ARIH1: variants seen among roughly 807,000 people sequenced by gnomAD.
ARIH1 encodes ariadne RBR E3 ubiquitin protein ligase 1.
A neutral mutation model predicts 85.0 loss-of-function variants in ARIH1; 8 were observed. The observed-to-expected ratio is 0.09, with a 90% confidence interval of 0.06 to 0.17. The LOEUF is 0.17. Ranked by LOEUF, ARIH1 falls within the 10% of genes least tolerant of loss-of-function variation. The pLI, the probability that ARIH1 is intolerant of heterozygous loss-of-function variation, is 1.00. For missense variants in ARIH1, 311 were observed against 718.1 expected, an observed-to-expected ratio of 0.43 and a Z score of 6.48; for synonymous variants, 238 against 253.6, an observed-to-expected ratio of 0.94 and a Z score of 0.59.
intron 6 of ARIH1, among the ~76,000 whole-genome samples, chr15:72,562,033 A>G (rs375614016): frequency 2.0e-5 from 3 of 152,330 alleles, no homozygotes; most frequent in Non-Finnish European, 2.9e-5. Flanking sequence ...ACATCTCTCC[A>G]TAGATCTTGA....
At chr15:72,498,430 A>G (rs1030735301) in intron 1 of ARIH1, among the ~76,000 whole-genome samples, 3 of 152,182 alleles carry the variant, frequency 2.0e-5, no homozygotes, top group African/African-American at 7.2e-5. Flanking sequence ...ATTCACTCAT[A>G]TTTGTGTCTT....
In ARIH1 at chr15:72,597,112, T is replaced by A. The variant is rs2064366304; in HGVS notation, c.*13820T>A. 6.7e-6 allele frequency: 1 copy of A among 148,850 alleles called. No individual in the cohort carries two copies. The highest frequency in any genetic ancestry group is 6.7e-5 in the Admixed American group (1 of 14,996). The allele number at this position is 148,850 out of a possible 1,614,324, so 9.2% of individuals were successfully genotyped here. A position where few individuals can be genotyped will look rare whatever the true frequency, so the allele number is the denominator to read the frequency against. On this transcript the variant is annotated 3_prime_UTR_variant, in exon 14 of 14. Transcript: ENST00000379887. ...TGATTGGATGATGGACGTTTTATGT[T>A]GAAAAAAAAAAGAAATTGAAGAAAA...
intron 1 of ARIH1, among the ~76,000 whole-genome samples, chr15:72,494,422 G>A (rs1445601711): frequency 1.3e-5 from 2 of 152,102 alleles, no homozygotes; most frequent in African/African-American, 4.8e-5. Flanking sequence ...GTTAGAGGTG[G>A]CATTCCAGAC....
rs145146693 is a variant in ARIH1 at position 72,566,751 on chromosome 15, A to T, written c.954+146A>T. On this transcript the variant is annotated intron_variant, in intron 8 of 13. Transcript: ENST00000379887. ...TTTCAGATGATCATTACATGTATTC[A>T]GAGGTAATTCCTTAGGATAAGCCAA... The T allele has an allele frequency of 8.0e-4, 580 of 727,412 alleles. 1 individual carries two copies. The East Asian group carries it at 9.9e-3, about 12-fold the overall frequency. The allele number at this position is 727,412 out of a possible 1,614,324, so 45.1% of individuals were successfully genotyped here. A position where few individuals can be genotyped will look rare whatever the true frequency, so the allele number is the denominator to read the frequency against.
At chr15:72,550,933 A>G (rs980294273) in intron 3 of ARIH1, among the ~76,000 whole-genome samples, 4 of 151,984 alleles carry the variant, frequency 2.6e-5, no homozygotes, top group Non-Finnish European at 2.9e-5. Flanking sequence ...CAGCCTCCCA[A>G]AGTGCTCGGA....
rs1424861481 is a variant in ARIH1 at position 72,589,801 on chromosome 15, G to T, written c.*6509G>T. The T allele has an allele frequency of 2.0e-5, 3 of 152,134 alleles. No homozygotes were observed. The highest frequency in any genetic ancestry group is 4.4e-5 in the Non-Finnish European group (3 of 68,012). The allele number at this position is 152,134 out of a possible 1,614,324, so 9.4% of individuals were successfully genotyped here. A position where few individuals can be genotyped will look rare whatever the true frequency, so the allele number is the denominator to read the frequency against. The stretch of plus-strand genomic sequence containing the variant: ...CGTGGCTACTTAGTATTTACCAAAT[G>T]CTTTGTTTCCATCTCGTTTATTTTT... On this transcript the variant is annotated 3_prime_UTR_variant, in exon 14 of 14. Coordinates refer to ENST00000379887, the MANE Select transcript of ARIH1 (RefSeq NM_005744.5).
chr15:72,523,782 A>G (rs952077908), intron 2 of ARIH1, among the ~76,000 whole-genome samples: 3 of 151,436 alleles, frequency 2.0e-5, no homozygotes, highest in Non-Finnish European at 2.9e-5. Flanking sequence ...GTTTGCTGTG[A>G]GCCTTAAACT....
chr15:72,497,038 A>T (rs547172294), intron 1 of ARIH1, among the ~76,000 whole-genome samples: 17 of 152,352 alleles, frequency 1.1e-4, no homozygotes, highest in African/African-American at 3.8e-4. Flanking sequence ...GCACAATTTT[A>T]TTATTATGTT....
intron 2 of ARIH1, among the ~76,000 whole-genome samples, chr15:72,531,670 A>G (rs538821808): frequency 8.4e-4 from 128 of 152,366 alleles, no homozygotes; most frequent in African/African-American, 2.5e-3. Flanking sequence ...AAAGAGTGAA[A>G]GTATAGGTAT....
intron 1 of ARIH1, among the ~76,000 whole-genome samples, chr15:72,506,513 G>C (rs1458329349): frequency 6.6e-6 from 1 of 151,982 alleles, no homozygotes; most frequent in Admixed American, 6.6e-5. Context: ...TTTTTTGAGT[G>C]GGTATGCTTG....
At chr15:72,565,526 C>G (rs1388888743) in intron 7 of ARIH1, among the ~76,000 whole-genome samples, 1 of 151,966 alleles carries the variant, frequency 6.6e-6, no homozygotes, top group Admixed American at 6.6e-5. Flanking sequence ...CCAAAAAGAG[C>G]AGGTAAGCTC....
intron 2 of ARIH1, among the ~76,000 whole-genome samples, chr15:72,529,057 G>C (rs983519973): frequency 6.6e-6 from 1 of 151,638 alleles, no homozygotes; most frequent in Non-Finnish European, 1.5e-5. Flanking sequence ...AAAATTAGCC[G>C]CGTGTGGTGA....
intron 11 of ARIH1, among the ~76,000 whole-genome samples, chr15:72,574,144 C>T (rs139049332): frequency 1.8e-4 from 27 of 152,122 alleles, no homozygotes; most frequent in African/African-American, 2.4e-4. Context: ...ATTTGGATGC[C>T]GGTAGAATCC....
chr15:72,592,477 G>A lies in ARIH1; in HGVS notation c.*9185G>A, dbSNP rs982776167. The stretch of plus-strand genomic sequence containing the variant: ...ACACATCTTAAGTGTGAAGTTTGAT[G>A]TTTTGACAGTTGTATACGTCTGTGT... On this transcript the variant is annotated 3_prime_UTR_variant, in exon 14 of 14. Coordinates refer to ENST00000379887, the MANE Select transcript of ARIH1 (RefSeq NM_005744.5). The A allele has an allele frequency of 6.6e-6, 1 of 152,224 alleles. No homozygotes were observed. The highest frequency in any genetic ancestry group is 2.4e-5 in the African/African-American group (1 of 41,468). 9.4% of individuals were successfully genotyped at this position (152,224 alleles called of 1,614,324 possible).
chr15:72,500,181 C>T (rs527873199), intron 1 of ARIH1, among the ~76,000 whole-genome samples: 1 of 152,058 alleles, frequency 6.6e-6, no homozygotes, highest in African/African-American at 2.4e-5. Context: ...GCAACCTCCA[C>T]CTCCTGTGTT....
chr15:72,517,179 G>T (rs571701130), intron 1 of ARIH1, among the ~76,000 whole-genome samples: 1 of 152,300 alleles, frequency 6.6e-6, no homozygotes, highest in South Asian at 2.1e-4. Flanking sequence ...ATGTGGTACA[G>T]TATTTTTTCA....
chr15:72,476,004 G>A (rs1482184471), intron 1 of ARIH1, among the ~76,000 whole-genome samples: 1 of 152,116 alleles, frequency 6.6e-6, no homozygotes, highest in Admixed American at 6.5e-5. Context: ...GAATAAAAAT[G>A]AAGCTTGATT....
intron 7 of ARIH1, 45 bp downstream of exon 7, chr15:72,563,545 C>T: frequency 6.7e-7 from 1 of 1,492,692 alleles, no homozygotes; most frequent in Non-Finnish European, 9.3e-7. Context: ...CAAAGCGTTT[C>T]CATTTCTCCT....
At chr15:72,577,611 C>T (rs749125407) in intron 11 of ARIH1, among the ~76,000 whole-genome samples, 9 of 151,888 alleles carry the variant, frequency 5.9e-5, no homozygotes, top group South Asian at 4.2e-4. Flanking sequence ...AGGTGGAGGT[C>T]GTGGAGAGCC....
Sources: allele counts gnomAD v4.1 joint callset (sites outside exome capture counted in the v4.1 genomes callset), GRCh38; gene constraint gnomAD v4.1.1; transcripts MANE v1.5; gene names NCBI Gene and HGNC (gene_info 2026-07-23, HGNC 2026-07-21).